CDKL5: variants seen among roughly 807,000 people sequenced by gnomAD.
The protein encoded by CDKL5 is cyclin dependent kinase like 5, also known as cyclin-dependent kinase-like 5.
A neutral mutation model predicts 61.7 loss-of-function variants in CDKL5; 8 were observed. The ratio of observed to expected loss-of-function variants is 0.13; its 90% CI spans 0.08 to 0.23. The LOEUF (loss-of-function observed/expected upper bound fraction) is 0.23. Among genes scored for constraint, CDKL5 ranks in the 10% least tolerant of loss-of-function variants. The pLI, the probability that CDKL5 is intolerant of heterozygous loss-of-function variation, is 1.00. For missense variants in CDKL5, 440 were observed against 734.5 expected, an observed-to-expected ratio of 0.60 and a Z score of 4.63; for synonymous variants, 275 against 272.3, an observed-to-expected ratio of 1.01 and a Z score of -0.10.
At chrX:18,460,689 C>T (rs1001599041) in intron 1 of CDKL5, among the ~76,000 whole-genome samples, 3 of 110,446 alleles carry the variant, frequency 2.7e-5, no homozygotes, top group African/African-American at 6.6e-5. Flanking sequence ...TTTGTAGAAG[C>T]GGGGTTTTGT....
rs1202151739 is a variant in CDKL5 at position 18,629,768 on chromosome X, A to G, written c.*1011A>G. On this transcript the variant is annotated 3_prime_UTR_variant, in exon 18 of 18. Transcript: ENST00000623535. ...GCAGGCCTGGTTTCCGTCCTCACACACTTGGCTCCTGTTTGTGTCCAGGGA... is the reference window on the plus strand; with the variant it reads ...GCAGGCCTGGTTTCCGTCCTCACACGCTTGGCTCCTGTTTGTGTCCAGGGA... 4 of 752,695 alleles carry G rather than the reference A, an allele frequency of 5.3e-6. No individual in the cohort carries two copies. The highest frequency in any genetic ancestry group is 1.8e-4 in the Admixed American group (2 of 11,354). 62.0% of individuals were successfully genotyped at this position (752,695 alleles called of 1,213,427 possible).
chrX:18,523,184 T>G (rs979814165), intron 3 of CDKL5, among the ~76,000 whole-genome samples: 1 of 111,684 alleles, frequency 9.0e-6, no homozygotes, highest in African/African-American at 3.3e-5. Flanking sequence ...TGACATTAAT[T>G]GTATTCACGG....
Position 18,603,586 on chromosome X carries a change from C to T in CDKL5, c.978-316C>T, listed in dbSNP as rs570609688. 3.8e-4 allele frequency among the ~76,000 whole-genome samples: 43 copies of T among 112,473 alleles called. No individual in the cohort carries two copies. In the South Asian group the frequency reaches 0.015, roughly 39 times the overall value. On this transcript the variant is annotated intron_variant, in intron 11 of 17. Coordinates refer to ENST00000623535, the MANE Select transcript of CDKL5 (RefSeq NM_001323289.2). ...TTCTTAGCAGTCATTCTATCACAAA[C>T]ACTCATATGAGTACCAATATAATGA...
At chrX:18,439,200 T>C (rs1931682178) in intron 1 of CDKL5, among the ~76,000 whole-genome samples, 1 of 108,969 alleles carries the variant, frequency 9.2e-6, no homozygotes, top group African/African-American at 3.4e-5. Flanking sequence ...GTAATTGTTA[T>C]AATTGGATCC....
chrX:18,510,736 T>G, intron 2 of CDKL5, 84 bp from the exon 3 acceptor site: 1 of 774,394 alleles, frequency 1.3e-6, no homozygotes, highest in Non-Finnish European at 2.0e-6. Context: ...TAGTCATTAT[T>G]ATAACACTGA....
rs756933039 is a variant in CDKL5 at position 18,431,627 on chromosome X, A to G, written c.-163+5932A>G. Among the ~76,000 whole-genome samples the G allele has an allele frequency of 4.2e-3, 454 of 106,923 alleles. 2 individuals are homozygous for G. The Middle Eastern group carries it at 0.048, about 11-fold the overall frequency. The allele number at this position is 106,923 out of a possible 115,157, so 92.8% of individuals were successfully genotyped here. A position where few individuals can be genotyped will look rare whatever the true frequency, so the allele number is the denominator to read the frequency against. On this transcript the variant is annotated intron_variant, in intron 1 of 17. Coordinates refer to ENST00000623535, the MANE Select transcript of CDKL5 (RefSeq NM_001323289.2). ...ATTTTTAGTAGAGACGGGTTTCACCATGTTAGCCAGGATGGTCTCGATCTC... is the reference window on the plus strand; with the variant it reads ...ATTTTTAGTAGAGACGGGTTTCACCGTGTTAGCCAGGATGGTCTCGATCTC...
intron 3 of CDKL5, among the ~76,000 whole-genome samples, chrX:18,517,953 G>A (rs758478333): frequency 5.4e-5 from 6 of 111,211 alleles, no homozygotes; most frequent in East Asian, 2.8e-4. Context: ...TGCAGTGAGC[G>A]GAGATTGGGC....
At chrX:18,626,154 C>T (rs1328103132) in intron 17 of CDKL5, among the ~76,000 whole-genome samples, 1 of 107,652 alleles carries the variant, frequency 9.3e-6, no homozygotes, top group Admixed American at 9.9e-5. Context: ...GCATCCTTAA[C>T]CTCCCTGTGC....
At chrX:18,525,871 C>T (rs189250205) in intron 3 of CDKL5, among the ~76,000 whole-genome samples, 144 of 108,997 alleles carry the variant, frequency 1.3e-3, no homozygotes, top group African/African-American at 4.5e-3. Context: ...CTCAGCCTCC[C>T]GAGTAGTTGG....
rs201373402 is a variant in CDKL5 at position 18,638,628 on chromosome X, T to C, written c.*9871T>C. Among the ~76,000 whole-genome samples, 2 of 112,636 alleles carry C rather than the reference T, an allele frequency of 1.8e-5. No homozygotes were observed. Among genetic ancestry groups the C allele is most frequent in the East Asian group, 5.5e-4 (2 of 3,613 alleles). On this transcript the variant is annotated 3_prime_UTR_variant, in exon 18 of 18. Coordinates refer to ENST00000623535, the MANE Select transcript of CDKL5 (RefSeq NM_001323289.2). ...GCAAATTATCTGCAGATAAATGTCTTATGAATCGTATATCTTACTGTTTAT... is the reference window on the plus strand; with the variant it reads ...GCAAATTATCTGCAGATAAATGTCTCATGAATCGTATATCTTACTGTTTAT...
intron 11 of CDKL5, among the ~76,000 whole-genome samples, chrX:18,601,918 AT>A (rs1347524660): frequency 1.8e-5 from 2 of 111,310 alleles, no homozygotes; most frequent in Non-Finnish European, 3.8e-5. Context: ...TACGATTACT[AT>A]TTCTAGGCCT....
chrX:18,480,818 TTTC>T (rs1921517642), intron 1 of CDKL5, among the ~76,000 whole-genome samples: 2 of 106,901 alleles, frequency 1.9e-5, no homozygotes, highest in African/African-American at 6.6e-5. Context: ...TCCTTCTTCC[TTTC>T]TTCTTTCTTC....
At chrX:18,576,677 A>T (rs2147140407) in intron 5 of CDKL5, among the ~76,000 whole-genome samples, 1 of 111,073 alleles carries the variant, frequency 9.0e-6, no homozygotes, top group South Asian at 3.8e-4. Context: ...CTGGAACGGT[A>T]CTAGCAGGTT....
At chrX:18,431,108 C>T (rs897947552) in intron 1 of CDKL5, among the ~76,000 whole-genome samples, 4 of 110,710 alleles carry the variant, frequency 3.6e-5, no homozygotes. Context: ...GGTGATCTTC[C>T]TGCCTCGGCC....
chrX:18,583,286 C>T (rs893814376), intron 7 of CDKL5, among the ~76,000 whole-genome samples: 1 of 111,380 alleles, frequency 9.0e-6, no homozygotes, highest in Non-Finnish European at 1.9e-5. Context: ...GCACCACATG[C>T]GGTATCCTGT....
chrX:18,631,002 T>C lies in CDKL5; in HGVS notation c.*2245T>C. 1 of 750,841 alleles carries C rather than the reference T, an allele frequency of 1.3e-6. No homozygotes were observed. Among genetic ancestry groups the C allele is most frequent in the Non-Finnish European group, 1.6e-6 (1 of 638,645 alleles). 61.9% of individuals were successfully genotyped at this position (750,841 alleles called of 1,213,427 possible). On this transcript the variant is annotated 3_prime_UTR_variant, in exon 18 of 18. Transcript: ENST00000623535. ...AACCAGAAACTACACTTTTTTTCTC[T>C]GGAAAGACTTCTCACTGTGCTATGC... is the stretch of plus-strand genomic sequence containing the variant.
At chrX:18,435,334 T>C (rs1234197075) in intron 1 of CDKL5, among the ~76,000 whole-genome samples, 1 of 111,863 alleles carries the variant, frequency 8.9e-6, no homozygotes, top group East Asian at 2.8e-4. Flanking sequence ...AAAGAAAAAA[T>C]TTGATTTTAA....
At chrX:18,617,132 T>G (rs1926742769) in intron 15 of CDKL5, among the ~76,000 whole-genome samples, 1 of 112,239 alleles carries the variant, frequency 8.9e-6, no homozygotes, top group Admixed American at 9.4e-5. Context: ...TTTTAATTCC[T>G]TCCTTTCTTT....
rs746661003 is a variant in CDKL5 at position 18,631,421 on chromosome X, C to T, written c.*2664C>T. 4.1e-5 allele frequency: 31 copies of T among 752,566 alleles called. No homozygotes were observed. The African/African-American group carries it at 6.7e-4, about 16-fold the overall frequency. 62.0% of individuals were successfully genotyped at this position (752,566 alleles called of 1,213,427 possible). A position where few individuals can be genotyped will look rare whatever the true frequency, so the allele number is the denominator to read the frequency against. Reference sequence around the variant, plus strand: ...CAGCATGCAATTCTCTTCCTGCTCACGGAGGGGGATGCAAAAGTTTTCTCT... The same window carrying T: ...CAGCATGCAATTCTCTTCCTGCTCATGGAGGGGGATGCAAAAGTTTTCTCT... On this transcript the variant is annotated 3_prime_UTR_variant, in exon 18 of 18. Coordinates refer to ENST00000623535, the MANE Select transcript of CDKL5 (RefSeq NM_001323289.2).
Sources: allele counts gnomAD v4.1 joint callset (sites outside exome capture counted in the v4.1 genomes callset), GRCh38; gene constraint gnomAD v4.1.1; transcripts MANE v1.5; gene names NCBI Gene and HGNC (gene_info 2026-07-23, HGNC 2026-07-21).